The following TMPRSS15 variants were observed in gnomAD, a reference collection of about 807,000 sequenced individuals.
The protein encoded by TMPRSS15 is transmembrane serine protease 15.
A neutral mutation model predicts 125.3 loss-of-function variants in TMPRSS15; 128 were observed. That is an observed-to-expected ratio of 1.02 (90% CI 0.89 to 1.18). The LOEUF is 1.18. Among genes scored for constraint, TMPRSS15 ranks in the 50% most tolerant of loss-of-function variants. The pLI is 0.00. For synonymous variants in TMPRSS15, 446 were observed against 423.2 expected (o/e 1.05, Z -0.66); for missense variants, 1,283 against 1,212.7 (o/e 1.06, Z -0.86).
chr21:18,291,358 C>A (rs2074831509), intron 21 of TMPRSS15, among the ~76,000 whole-genome samples: 1 of 152,196 alleles, frequency 6.6e-6, no homozygotes. Flanking sequence ...AAGGACAATA[C>A]CACGATAGAG....
At chr21:18,449,067 C>CT (rs2123250764) in intron 1 of TMPRSS15, among the ~76,000 whole-genome samples, 1 of 152,198 alleles carries the variant, frequency 6.6e-6, no homozygotes, top group East Asian at 1.9e-4. Context: ...ACACAATTTG[C>CT]TTTTCTGACC....
chr21:18,345,762 A>AAAAAAAAAAAAAAT (rs2075501908), intron 10 of TMPRSS15, among the ~76,000 whole-genome samples: 1 of 143,676 alleles, frequency 7.0e-6, no homozygotes, highest in Non-Finnish European at 1.5e-5. Flanking sequence ...AAAAAAAAAA[A>AAAAAAAAAAAAAAT]TCCACTGAAT....
chr21:18,364,590 T>C (rs902485960), intron 7 of TMPRSS15, among the ~76,000 whole-genome samples: 1 of 152,136 alleles, frequency 6.6e-6, no homozygotes, highest in African/African-American at 2.4e-5. Context: ...AGCCTAATTA[T>C]TTTGATTATC....
intron 1 of TMPRSS15, among the ~76,000 whole-genome samples, chr21:18,449,969 T>C (rs936308432): frequency 1.3e-5 from 2 of 152,012 alleles, no homozygotes; most frequent in African/African-American, 2.4e-5. Context: ...AGAAAATATA[T>C]GTAGCACTTA....
chr21:18,402,970 A>C (rs1320760486), intron 1 of TMPRSS15, among the ~76,000 whole-genome samples: 2 of 152,186 alleles, frequency 1.3e-5, no homozygotes, highest in Non-Finnish European at 2.9e-5. Context: ...GACCTTTTTA[A>C]GTCTACATTT....
At chr21:18,383,069 T>C (rs1351240721) in intron 4 of TMPRSS15, among the ~76,000 whole-genome samples, 5 of 152,168 alleles carry the variant, frequency 3.3e-5, no homozygotes, top group African/African-American at 1.2e-4. Context: ...AATCGGACCT[T>C]GCCACTGGAT....
chr21:18,405,921 T>C (rs1208807001), upstream of TMPRSS15, among the ~76,000 whole-genome samples: 2 of 152,218 alleles, frequency 1.3e-5, no homozygotes, highest in Non-Finnish European at 2.9e-5. Context: ...ACTTTTCTTT[T>C]TTTAAAACAA....
chr21:18,337,561 A>G (rs2824749), intron 13 of TMPRSS15, among the ~76,000 whole-genome samples: 123,247 of 152,134 alleles, frequency 0.81, 50,134 homozygotes, highest in Admixed American at 0.84. Context: ...TTGTAGAATC[A>G]ATGCAGCAGA....
intron 18 of TMPRSS15, among the ~76,000 whole-genome samples, chr21:18,305,182 A>ATTTTTTTTTTTTTTT (rs2075018505): frequency 2.5e-5 from 1 of 39,854 alleles, no homozygotes; most frequent in African/African-American, 9.3e-5. Flanking sequence ...GAATTTCCGT[A>ATTTTTTTTTTTTTTT]CTTTTTTTTT....
chr21:18,372,397 T>G, intron 5 of TMPRSS15, 73 bp from the exon 6 acceptor site: 6 of 1,375,924 alleles, frequency 4.4e-6, no homozygotes, highest in Non-Finnish European at 6.1e-6. Flanking sequence ...ATAGGCCTTT[T>G]TGCCACTGGG....
intron 10 of TMPRSS15, 128 bp downstream of exon 10, chr21:18,352,775 T>A: frequency 1.0e-6 from 1 of 962,430 alleles, no homozygotes; most frequent in Non-Finnish European, 1.6e-6. Context: ...ATTAATTGAA[T>A]TTTTAAAAAA....
At chr21:18,348,026 A>T (rs1601370345) in intron 10 of TMPRSS15, among the ~76,000 whole-genome samples, 1 of 152,170 alleles carries the variant, frequency 6.6e-6, no homozygotes, top group Non-Finnish European at 1.5e-5. Flanking sequence ...TCTATAAAAA[A>T]TTTAAAAAAA....
intron 10 of TMPRSS15, among the ~76,000 whole-genome samples, chr21:18,348,107 C>T (rs1292005164): frequency 6.6e-6 from 1 of 151,952 alleles, no homozygotes; most frequent in Non-Finnish European, 1.5e-5. Flanking sequence ...ATCTCTTGAG[C>T]CCAGGAGTTT....
At chr21:18,441,825 G>C (rs938534324) in intron 1 of TMPRSS15, among the ~76,000 whole-genome samples, 1 of 151,416 alleles carries the variant, frequency 6.6e-6, no homozygotes, top group South Asian at 2.1e-4. Flanking sequence ...TGAGTAGCTG[G>C]GACTGTAGGC....
chr21:18,377,546 T>C (rs1287110627), intron 5 of TMPRSS15, among the ~76,000 whole-genome samples: 1 of 152,120 alleles, frequency 6.6e-6, no homozygotes, highest in Non-Finnish European at 1.5e-5. Flanking sequence ...TATTTTAATC[T>C]CCTTTTCAGA....
chr21:18,443,170 G>A (rs908665525), intron 1 of TMPRSS15, among the ~76,000 whole-genome samples: 1 of 152,178 alleles, frequency 6.6e-6, no homozygotes, highest in East Asian at 1.9e-4. Flanking sequence ...GGGAAGCTAC[G>A]AAAAGAAAAA....
At chr21:18,413,630 A>G (rs2076173071) in intron 1 of TMPRSS15, among the ~76,000 whole-genome samples, 1 of 143,496 alleles carries the variant, frequency 7.0e-6, no homozygotes, top group South Asian at 2.2e-4. Flanking sequence ...GAGTTTCACC[A>G]TCCTGGCCAG....
chr21:18,368,771 T>G lies in TMPRSS15; in HGVS notation c.664+3422A>C, dbSNP rs188001593. ...CTCTAACGAGGCTCTAGTCAATTCC[T>G]GCATTCAAGCAAATATAGAGAATAT... On this transcript the variant is annotated intron_variant, in intron 6 of 24. Coordinates refer to ENST00000284885, the MANE Select transcript of TMPRSS15 (RefSeq NM_002772.3). 5.3e-5 allele frequency among the ~76,000 whole-genome samples: 8 copies of G among 152,316 alleles called. No homozygotes were observed. The East Asian group carries it at 1.5e-3, about 29-fold the overall frequency.
At chr21:18,276,789 A>G (rs2146859693) in intron 23 of TMPRSS15, among the ~76,000 whole-genome samples, 1 of 138,910 alleles carries the variant, frequency 7.2e-6, no homozygotes, top group East Asian at 2.1e-4. Context: ...GACGAAGCCT[A>G]GCTCTTGTCC....
Sources: allele counts gnomAD v4.1 joint callset (sites outside exome capture counted in the v4.1 genomes callset), GRCh38; gene constraint gnomAD v4.1.1; transcripts MANE v1.5; gene names NCBI Gene and HGNC (gene_info 2026-07-23, HGNC 2026-07-21).